ASS1: variants seen among roughly 807,000 people sequenced by gnomAD.
The protein encoded by ASS1 is argininosuccinate synthase 1.
ASS1 carries 58 observed loss-of-function variants against 60.5 expected under a neutral mutation model. The ratio of observed to expected loss-of-function variants is 0.96; its 90% CI spans 0.78 to 1.19. The LOEUF (loss-of-function observed/expected upper bound fraction) is 1.19, where lower values mean the gene tolerates loss of function less well. Among genes scored for constraint, ASS1 ranks in the 50% most tolerant of loss-of-function variants. The pLI is 0.00. For missense variants in ASS1, 454 were observed against 547.3 expected (o/e 0.83, Z 1.70); for synonymous variants, 200 against 206.9 (o/e 0.97, Z 0.29).
rs1554725043 is a variant in ASS1, at chr9:130,494,905, T to G, written c.1009T>G (p.Cys337Gly). The G allele has an allele frequency of 6.2e-7, 1 of 1,613,494 alleles. No individual in the cohort carries two copies. ...HSPECEFVRH[C>G]IAKSQERVEG... ...CCCTGAGTGTGAATTTGTCCGCCAC[T>G]GCATCGCCAAGTCCCAGGAGCGAGT... Residue 337 changes from cysteine (C) to glycine (G), a missense_variant, in exon 13 of 15, where the codon TGC (cysteine) becomes GGC (glycine). Coordinates refer to ENST00000352480, the MANE Select transcript of ASS1 (RefSeq NM_054012.4). The surrounding 1 kb of genome is among the most constrained non-coding windows in gnomAD (Gnocchi z 4.3).
chr9:130,445,046 C>T, intron 1 of ASS1, 51 bp downstream of exon 1: 1 of 653,458 alleles, frequency 1.5e-6, no homozygotes, highest in Non-Finnish European at 1.9e-6. Context: ...CGAGAGCACC[C>T]GCTTCCCGGG....
At chr9:130,480,354 C>G in intron 10 of ASS1, 31 bp from the exon 11 acceptor site, 1 of 1,614,046 alleles carries the variant, frequency 6.2e-7, no homozygotes, top group Middle Eastern at 1.6e-4. Flanking sequence ...TGCGGTAGCG[C>G]CCGAACCTAA....
intron 14 of ASS1, 73 bp downstream of exon 14, chr9:130,499,643 T>A: frequency 6.8e-7 from 1 of 1,474,896 alleles, no homozygotes; most frequent in Non-Finnish European, 9.4e-7. Flanking sequence ...AGCCCCCAGG[T>A]GTAAAGGGTA....
Position 130,477,457 on chromosome 9 carries a change from G to T in ASS1, c.688+496G>T, listed in dbSNP as rs577872247. ...AGCCTTCGCCAGTCTTCATTGAGCCGCTCTGGGCCTCACCCTGCTGACCCC... is the reference window on the plus strand; with the variant it reads ...AGCCTTCGCCAGTCTTCATTGAGCCTCTCTGGGCCTCACCCTGCTGACCCC... On this transcript the variant is annotated intron_variant, in intron 9 of 14. Transcript: ENST00000352480. The surrounding 1 kb of genome is among the most constrained non-coding windows in gnomAD (Gnocchi z 4.2). Among the ~76,000 whole-genome samples the T allele has an allele frequency of 2.0e-5, 3 of 152,170 alleles. No homozygotes were observed. The highest frequency in any genetic ancestry group is 2.0e-4 in the Admixed American group (3 of 15,288).
rs1293633069 is a variant in ASS1, at chr9:130,488,099, G to A, written c.839-1234G>A. ...CTGAATAATATTCCATCGTATGGAT[G>A]GACTGCATTTTGCTTCTTCACTCAT... On this transcript the variant is annotated intron_variant, in intron 11 of 14. Transcript: ENST00000352480. The surrounding 1 kb of genome is among the most constrained non-coding windows in gnomAD (Gnocchi z 5.2). 6.6e-6 allele frequency among the ~76,000 whole-genome samples: 1 copy of A among 152,126 alleles called. No homozygotes were observed. The highest frequency in any genetic ancestry group is 1.5e-5 in the Non-Finnish European group (1 of 68,024).
chr9:130,456,816 C>T lies in ASS1; in HGVS notation c.175-1585C>T, dbSNP rs547242251. Among the ~76,000 whole-genome samples, 4 of 152,086 alleles carry T rather than the reference C, an allele frequency of 2.6e-5. No homozygotes were observed. The South Asian group carries it at 8.3e-4, about 32-fold the overall frequency. On this transcript the variant is annotated intron_variant, in intron 3 of 14. Coordinates refer to ENST00000352480, the MANE Select transcript of ASS1 (RefSeq NM_054012.4). ...CCCCACATGCCTGTAGTCCCAGCCA[C>T]TCGGGAGGCTGAGGCAGGAGAATCA...
At position 130,475,767 on chromosome 9, in the gene ASS1, G is replaced by T. The variant is rs561300191; in HGVS notation, c.598-1104G>T. Among the ~76,000 whole-genome samples, 17 of 149,244 alleles carry T rather than the reference G, an allele frequency of 1.1e-4. No individual in the cohort carries two copies. The South Asian group carries it at 2.8e-3, about 25-fold the overall frequency. ...TTTTTTTTTTTTTTTTTTTTGGTGG[G>T]GGGGTGGGGGACGGAATCTTGCTCT... On this transcript the variant is annotated intron_variant, in intron 8 of 14. Coordinates refer to ENST00000352480, the MANE Select transcript of ASS1 (RefSeq NM_054012.4).
At chr9:130,486,598 G>T (rs570384733) in intron 11 of ASS1, among the ~76,000 whole-genome samples, 1 of 152,180 alleles carries the variant, frequency 6.6e-6, no homozygotes, top group Non-Finnish European at 1.5e-5. Flanking sequence ...TTGAGGGCTT[G>T]GATCTCTGCA....
At chr9:130,445,255 C>CGGGGGCGCGAGTCCCA in intron 1 of ASS1, 1 of 963,026 alleles carries the variant, frequency 1.0e-6, no homozygotes, top group African/African-American at 1.8e-5. Flanking sequence ...CGCGAGTCCC[C>CGGGGGCGCGAGTCCCA]GGGTCCGAAG....
At chr9:130,450,168 C>T in intron 1 of ASS1, 1 of 678,914 alleles carries the variant, frequency 1.5e-6, no homozygotes, top group Non-Finnish European at 1.8e-6. Flanking sequence ...CTCCTCTGCT[C>T]AGTGAGGCTG....
intron 4 of ASS1, among the ~76,000 whole-genome samples, chr9:130,463,772 A>G (rs1330002689): frequency 6.6e-6 from 1 of 152,134 alleles, no homozygotes; most frequent in Non-Finnish European, 1.5e-5. Context: ...GGGGGCCTTG[A>G]GGAAGAGACT....
chr9:130,487,773 C>G (rs1178349877), intron 11 of ASS1, among the ~76,000 whole-genome samples: 1 of 148,744 alleles, frequency 6.7e-6, no homozygotes, highest in African/African-American at 2.5e-5. Context: ...TTTTTTTAGA[C>G]AGAGTCTTGC....
intron 4 of ASS1, among the ~76,000 whole-genome samples, chr9:130,463,586 C>T (rs1229203310): frequency 2.0e-5 from 3 of 152,122 alleles, no homozygotes; most frequent in African/African-American, 7.2e-5. Context: ...AGCAAAAGGC[C>T]CTCAGTGGTC....
chr9:130,480,965 C>G (rs989102132), intron 11 of ASS1, among the ~76,000 whole-genome samples: 1 of 150,620 alleles, frequency 6.6e-6, no homozygotes, highest in Non-Finnish European at 1.5e-5. Flanking sequence ...AGGGATGGGG[C>G]TGTGCCACAG....
chr9:130,469,820 T>C (rs1040019142), intron 6 of ASS1, among the ~76,000 whole-genome samples: 4 of 152,050 alleles, frequency 2.6e-5, no homozygotes, highest in Non-Finnish European at 4.4e-5. Context: ...TGAGCCTGAG[T>C]GGGGTCGATC....
intron 14 of ASS1, 83 bp downstream of exon 14, chr9:130,499,653 A>AG (rs1375235589): frequency 1.4e-6 from 2 of 1,414,518 alleles, no homozygotes; most frequent in Non-Finnish European, 2.0e-6. Context: ...TGTAAAGGGT[A>AG]GGCTTTGATG....
At chr9:130,453,559 C>G (rs945752708) in intron 2 of ASS1, among the ~76,000 whole-genome samples, 1 of 152,180 alleles carries the variant, frequency 6.6e-6, no homozygotes, top group Admixed American at 6.5e-5. Context: ...GGTAGCACAG[C>G]GGGGCAATCA....
intron 1 of ASS1, among the ~76,000 whole-genome samples, chr9:130,450,688 G>A (rs2131865829): frequency 6.6e-6 from 1 of 152,354 alleles, no homozygotes; most frequent in East Asian, 1.9e-4. Context: ...TGGCTACACG[G>A]CCAGGCTCTG....
chr9:130,452,108 C>T, intron 1 of ASS1, 116 bp from the exon 2 acceptor site: 1 of 885,800 alleles, frequency 1.1e-6, no homozygotes. Context: ...TCAGTGGCAG[C>T]TTGCCCAGGA....
Sources: allele counts gnomAD v4.1 joint callset (sites outside exome capture counted in the v4.1 genomes callset), GRCh38; gene constraint gnomAD v4.1.1; non-coding constraint Gnocchi (gnomAD v3.1); transcripts MANE v1.5; gene names NCBI Gene and HGNC (gene_info 2026-07-23, HGNC 2026-07-21).